The following ZNF112 variants were observed in gnomAD, a reference collection of about 807,000 sequenced individuals.
ZNF112 encodes zinc finger protein 112 (Y14).
A neutral mutation model predicts 77.7 loss-of-function variants in ZNF112; 37 were observed. That is an observed-to-expected ratio of 0.48 (90% confidence interval 0.37 to 0.63). The LOEUF (loss-of-function observed/expected upper bound fraction) is 0.63, where lower values mean the gene tolerates loss of function less well. Ranked by LOEUF, ZNF112 falls within the 20% of genes least tolerant of loss-of-function variation. The pLI is 0.00. For synonymous variants in ZNF112, 333 were observed against 363.6 expected (o/e 0.92, Z 0.96); for missense variants, 950 against 1,077.4 (o/e 0.88, Z 1.66).
At chr19:44,365,520 CACAT>C (rs1403487134) in intron 1 of ZNF112, among the ~76,000 whole-genome samples, 2 of 151,934 alleles carry the variant, frequency 1.3e-5, no homozygotes, top group African/African-American at 2.4e-5. Context: ...TACACACACA[CACAT>C]ACATACACTC....
chr19:44,339,379 T>C (rs10403472), intron 2 of ZNF112, among the ~76,000 whole-genome samples: 2,022 of 152,296 alleles, frequency 0.013, 48 homozygotes, highest in African/African-American at 0.046. Context: ...TTGAGCCATG[T>C]GGTATTAGCT....
At chr19:44,336,760 G>T in intron 2 of ZNF112, 42 bp from the exon 3 acceptor site, 1 of 1,539,254 alleles carries the variant, frequency 6.5e-7, no homozygotes, top group South Asian at 1.1e-5. Context: ...TAAGTTTGAT[G>T]ACATTCAATT....
intron 1 of ZNF112, among the ~76,000 whole-genome samples, chr19:44,352,137 C>A (rs10406191): frequency 6.6e-6 from 1 of 151,962 alleles, no homozygotes; most frequent in Admixed American, 6.6e-5. Context: ...GGCGATGGAA[C>A]TGTTGTGAAT....
At chr19:44,349,059 GAAACT>G (rs1970646734) in intron 1 of ZNF112, among the ~76,000 whole-genome samples, 1 of 152,064 alleles carries the variant, frequency 6.6e-6, no homozygotes, top group Non-Finnish European at 1.5e-5. Flanking sequence ...ACAATTACAT[GAAACT>G]CAAATTTCAG....
chr19:44,360,384 A>G (rs1970844423), upstream of ZNF112, among the ~76,000 whole-genome samples: 2 of 80,368 alleles, frequency 2.5e-5, no homozygotes, highest in Admixed American at 1.2e-4. Flanking sequence ...TAGGTATCAG[A>G]GAAAAAAAAA....
chr19:44,346,863 A>C (rs2123193614), intron 1 of ZNF112, among the ~76,000 whole-genome samples: 1 of 152,228 alleles, frequency 6.6e-6, no homozygotes, highest in East Asian at 1.9e-4. Flanking sequence ...AGGTCAACAG[A>C]AACAATCAAA....
intron 1 of ZNF112, among the ~76,000 whole-genome samples, chr19:44,344,452 G>A (rs1970549760): frequency 6.6e-6 from 1 of 152,180 alleles, no homozygotes; most frequent in East Asian, 1.9e-4. Flanking sequence ...AAAGAGAGGT[G>A]CACTACTCCA....
chr19:44,338,770 G>A (rs1428302040), intron 2 of ZNF112, among the ~76,000 whole-genome samples: 2 of 152,166 alleles, frequency 1.3e-5, no homozygotes, highest in African/African-American at 4.8e-5. Flanking sequence ...ATGCTTTAAA[G>A]AATAAAATTA....
At chr19:44,339,786 A>G (rs2571100) in intron 2 of ZNF112, among the ~76,000 whole-genome samples, 29,334 of 151,322 alleles carry the variant, frequency 0.19, 3,525 homozygotes, top group African/African-American at 0.33. Context: ...TAATCTTGCA[A>G]TTGGTATCAG....
chr19:44,350,769 G>A (rs914703632), intron 1 of ZNF112, among the ~76,000 whole-genome samples: 1 of 152,160 alleles, frequency 6.6e-6, no homozygotes, highest in South Asian at 2.1e-4. Flanking sequence ...CAAGCGCAAA[G>A]GACCTTTCTG....
chr19:44,329,109 C>T lies in ZNF112; in HGVS notation c.1048G>A (p.Glu350Lys), dbSNP rs1380626523. The change falls in exon 4 of 4, where the codon GAG becomes AAG. Residue 350 changes from glutamate to lysine, a missense_variant. Physicochemically the swap from Glu to Lys is moderately conservative, Grantham distance 56 (BLOSUM62 1). Transcript: ENST00000354340. ...TAAATGTTGTGCCTATAGGACATCT[C>T]ACCTGTGTGGATAAGTTCATAAGTG... ...LNTYELIHTG[E>K]MSYRHNIYEK... 2 of 1,613,918 alleles carry T rather than the reference C, an allele frequency of 1.2e-6. No individual in the cohort carries two copies. The highest frequency in any genetic ancestry group is 2.2e-5 in the South Asian group (2 of 91,076).
At chr19:44,331,390 T>C (rs1970268321) in intron 3 of ZNF112, among the ~76,000 whole-genome samples, 2 of 152,202 alleles carry the variant, frequency 1.3e-5, no homozygotes, top group Admixed American at 6.5e-5. Context: ...GACAGGATAT[T>C]TGGGTAGAAA....
At chr19:44,338,192 A>G (rs888588338) in intron 2 of ZNF112, among the ~76,000 whole-genome samples, 2 of 152,114 alleles carry the variant, frequency 1.3e-5, no homozygotes, top group Non-Finnish European at 2.9e-5. Flanking sequence ...AAAAAATTTC[A>G]CAAATCCCTA....
chr19:44,356,453 A>C (rs1301748042), intron 1 of ZNF112, among the ~76,000 whole-genome samples, 173 bp downstream of exon 1: 6 of 152,052 alleles, frequency 3.9e-5, no homozygotes, highest in Non-Finnish European at 8.8e-5. Context: ...CTAAGTGGGG[A>C]TGCGCCAGCT....
intron 1 of ZNF112, among the ~76,000 whole-genome samples, chr19:44,363,591 A>G (rs1358255048): frequency 6.6e-6 from 1 of 152,198 alleles, no homozygotes; most frequent in Non-Finnish European, 1.5e-5. Context: ...TGTTTTTCAG[A>G]TCCATCCATG....
At chr19:44,340,305 G>A (rs1448419965) in intron 2 of ZNF112, 111 bp downstream of exon 2, 6 of 1,440,220 alleles carry the variant, frequency 4.2e-6, no homozygotes, top group African/African-American at 1.4e-5. Flanking sequence ...TAGGACTCTC[G>A]GGCACCTAAT....
chr19:44,345,984 A>G (rs1970581948), intron 1 of ZNF112, among the ~76,000 whole-genome samples: 1 of 152,218 alleles, frequency 6.6e-6, no homozygotes, highest in Admixed American at 6.5e-5. Flanking sequence ...TGTAAAAATC[A>G]TTCTTAGCTG....
rs148532314 is a variant in ZNF112, at chr19:44,367,153, C to T, written c.-56G>A. On this transcript the variant is annotated 5_prime_UTR_variant, in exon 1 of 5. Coordinates refer to the ZNF112 transcript ENST00000588057. ...GAAGACAAGGAGGGCCGCCGCCAGG[C>T]TAAACGAAACATTGCTGTCTCAGGC... is the stretch of plus-strand genomic sequence containing the variant. 5.3e-3 allele frequency: 2,396 copies of T among 456,126 alleles called. 57 individuals are homozygous for T. The highest frequency in any genetic ancestry group is 0.045 in the African/African-American group (2,238 of 50,194). The allele number at this position is 456,126 out of a possible 1,614,324, so 28.3% of individuals were successfully genotyped here. A position where few individuals can be genotyped will look rare whatever the true frequency, so the allele number is the denominator to read the frequency against.
rs1355746264 is a variant in ZNF112, at chr19:44,327,555, A to T, written c.2602T>A (p.Ser868Thr). 1 of 1,614,048 alleles carries T rather than the reference A, an allele frequency of 6.2e-7. No individual in the cohort carries two copies. Among genetic ancestry groups the T allele is most frequent in the Admixed American group, 1.7e-5 (1 of 59,992 alleles). ...ACTCTTTGATGAATGAGAAGACCTG[A>T]GCTCCAACGGAAACCCTTACCACAT... ...DACGKGFRWS[S>T]GLLIHQRVHS... The change falls in exon 4 of 4, where the codon TCA becomes ACA. Residue 868 changes from serine to threonine, a missense_variant. Around this residue, in one of 3 missense-constraint regions of ZNF112, gnomAD observed 373 missense variants for 482.8 expected, o/e 0.77. Coordinates refer to ENST00000354340, the MANE Select transcript of ZNF112 (RefSeq NM_013380.4).
Sources: gnomAD v4.1 joint callset for allele counts (sites outside exome capture counted in the v4.1 genomes callset) on GRCh38, gnomAD v4.1.1 for gene constraint, gnomAD v4.1.1 regional missense constraint, MANE v1.5 for transcripts, NCBI Gene and HGNC (gene_info 2026-07-23, HGNC 2026-07-21) for gene names.